ANKRD11: variants seen among roughly 807,000 people sequenced by gnomAD.
ANKRD11 encodes ankyrin repeat domain 11.
A neutral mutation model predicts 195.7 loss-of-function variants in ANKRD11; 17 were observed. That is an observed-to-expected ratio of 0.09 (90% CI 0.06 to 0.13). The LOEUF (loss-of-function observed/expected upper bound fraction) is 0.13. Among genes scored for constraint, ANKRD11 ranks in the 10% least tolerant of loss-of-function variants. The probability of loss-of-function intolerance (pLI) is 1.00; values close to 1 mark genes in which losing one functional copy is unlikely to be tolerated. For synonymous variants in ANKRD11, 1,953 were observed against 1,528.1 expected (o/e 1.28, Z -6.49); for missense variants, 3,735 against 3,566.1 (o/e 1.05, Z -1.21).
rs1222668212 is a variant in ANKRD11 at position 89,279,552 on chromosome 16, C to G, written c.6990G>C (p.Glu2330Asp). 15 of 1,425,550 alleles carry G rather than the reference C, an allele frequency of 1.1e-5. No individual in the cohort carries two copies. The highest frequency in any genetic ancestry group is 1.4e-5 in the Non-Finnish European group (15 of 1,059,462). The allele number at this position is 1,425,550 out of a possible 1,614,324, so 88.3% of individuals were successfully genotyped here. A position where few individuals can be genotyped will look rare whatever the true frequency, so the allele number is the denominator to read the frequency against. Residue 2330 changes from glutamate to aspartate, a missense_variant, in exon 9 of 13, where the codon GAG (glutamate) becomes GAC (aspartate). By Grantham distance (45) the Glu-to-Asp change is conservative. Coordinates refer to ENST00000301030, the MANE Select transcript of ANKRD11 (RefSeq NM_013275.6). This position sits in a 1 kb window ranked among gnomAD's most constrained non-coding sequence, Gnocchi z 5.6. ...TCCTGGTCATGCGCTGAGGGATCTC[C>G]TCCACTCGGGGGGCCTTCGGGGCTT... ...TAEAPKAPRV[E>D]EIPQRMTRNR...
chr16:89,271,258 A>C, intron 11 of ANKRD11: 1 of 352,760 alleles, frequency 2.8e-6, no homozygotes, highest in Non-Finnish European at 5.4e-6. Context: ...TTTTTTTAAG[A>C]GACAGAGTTT....
At chr16:89,318,904 C>A (rs2037129798) in intron 2 of ANKRD11, among the ~76,000 whole-genome samples, 1 of 152,194 alleles carries the variant, frequency 6.6e-6, no homozygotes. Context: ...GACATATTTT[C>A]TCTCTCTACC....
chr16:89,471,391 G>C (rs973416136), intron 1 of ANKRD11, among the ~76,000 whole-genome samples: 1 of 152,054 alleles, frequency 6.6e-6, no homozygotes, highest in Non-Finnish European at 1.5e-5. Context: ...AACTCATCAA[G>C]TTACCCTGCA....
At chr16:89,309,793 A>G (rs2036509490) in intron 3 of ANKRD11, among the ~76,000 whole-genome samples, 1 of 152,204 alleles carries the variant, frequency 6.6e-6, no homozygotes, top group Non-Finnish European at 1.5e-5. Context: ...CTCATTTCCT[A>G]AATGCAAATA....
intron 1 of ANKRD11, among the ~76,000 whole-genome samples, chr16:89,472,876 A>G (rs934111190): frequency 6.6e-6 from 1 of 152,192 alleles, no homozygotes; most frequent in Non-Finnish European, 1.5e-5. Context: ...GTGAAAAAAG[A>G]GCTCAACCAT....
intron 2 of ANKRD11, among the ~76,000 whole-genome samples, chr16:89,367,362 C>G (rs2039992958): frequency 6.6e-6 from 1 of 152,230 alleles, no homozygotes; most frequent in Admixed American, 6.5e-5. Flanking sequence ...CGGCAGACCT[C>G]CCACCACTGC....
At chr16:89,430,820 T>C (rs897884708) in intron 1 of ANKRD11, among the ~76,000 whole-genome samples, 2 of 152,166 alleles carry the variant, frequency 1.3e-5, no homozygotes, top group Non-Finnish European at 2.9e-5. Flanking sequence ...AAAAGGGAGT[T>C]TGCTCCTCAC....
At chr16:89,338,790 A>T (rs2038511219) in intron 2 of ANKRD11, among the ~76,000 whole-genome samples, 1 of 151,924 alleles carries the variant, frequency 6.6e-6, no homozygotes, top group East Asian at 1.9e-4. Flanking sequence ...AGAAAAAATA[A>T]TCTCTGCTCT....
intron 2 of ANKRD11, among the ~76,000 whole-genome samples, chr16:89,358,141 G>A (rs1693635557): frequency 1.3e-5 from 2 of 152,242 alleles, no homozygotes; most frequent in South Asian, 4.1e-4. Flanking sequence ...GGTGGCTGGA[G>A]ATGCTGCACC....
At chr16:89,304,361 G>A (rs537589017) in intron 4 of ANKRD11, among the ~76,000 whole-genome samples, 5 of 147,562 alleles carry the variant, frequency 3.4e-5, no homozygotes, top group Non-Finnish European at 7.5e-5. Context: ...CGCATACACA[G>A]GCATGCACAT....
chr16:89,417,255 G>A (rs117778271), intron 2 of ANKRD11, among the ~76,000 whole-genome samples: 3,351 of 152,254 alleles, frequency 0.022, 43 homozygotes, highest in Non-Finnish European at 0.032. Context: ...TGCAGGAAAG[G>A]TTCTTTCACG....
At chr16:89,394,733 T>G (rs904514194) in intron 2 of ANKRD11, among the ~76,000 whole-genome samples, 1 of 152,196 alleles carries the variant, frequency 6.6e-6, no homozygotes, top group African/African-American at 2.4e-5. Context: ...GGAGTCGTGT[T>G]TTATGACAAA....
chr16:89,487,358 A>G (rs529982679), intron 1 of ANKRD11, among the ~76,000 whole-genome samples: 1 of 152,270 alleles, frequency 6.6e-6, no homozygotes, highest in African/African-American at 2.4e-5. Context: ...TTTCTGAGCC[A>G]GCATTTACTG....
At chr16:89,482,588 C>T (rs941222265) in intron 1 of ANKRD11, among the ~76,000 whole-genome samples, 5 of 152,164 alleles carry the variant, frequency 3.3e-5, no homozygotes, top group African/African-American at 7.2e-5. Flanking sequence ...GAGATGACCT[C>T]GCAGTGCTCG....
At chr16:89,458,514 G>C (rs1323785497) in intron 1 of ANKRD11, among the ~76,000 whole-genome samples, 1 of 152,118 alleles carries the variant, frequency 6.6e-6, no homozygotes, top group Non-Finnish European at 1.5e-5. Flanking sequence ...GTGAGCCACC[G>C]TGCCCGGCCA....
chr16:89,356,590 TA>T (rs1225949582), intron 2 of ANKRD11, among the ~76,000 whole-genome samples: 1 of 135,938 alleles, frequency 7.4e-6, no homozygotes, highest in East Asian at 2.1e-4. Context: ...GCTAACACAG[TA>T]AAACCCCATC....
At chr16:89,273,521 ACCCCGTCT>A (rs1046870949) in intron 11 of ANKRD11, among the ~76,000 whole-genome samples, 5 of 152,088 alleles carry the variant, frequency 3.3e-5, no homozygotes, top group African/African-American at 4.8e-5. Context: ...ACATGGTGAC[ACCCCGTCT>A]CCACTAAAAA....
intron 4 of ANKRD11, among the ~76,000 whole-genome samples, chr16:89,303,566 C>T (rs2035977891): frequency 6.6e-6 from 1 of 152,224 alleles, no homozygotes; most frequent in African/African-American, 2.4e-5. Flanking sequence ...CTGCAGCCTT[C>T]CTGTCCCCAG....
At chr16:89,458,104 G>GA (rs201939339) in intron 1 of ANKRD11, among the ~76,000 whole-genome samples, 38 of 143,466 alleles carry the variant, frequency 2.6e-4, no homozygotes, top group Middle Eastern at 3.6e-3. Flanking sequence ...GACACAAAAA[G>GA]AAAAAAAAAA....
Sources: gnomAD v4.1 joint callset for allele counts (sites outside exome capture counted in the v4.1 genomes callset) on GRCh38, gnomAD v4.1.1 for gene constraint, Gnocchi (gnomAD v3.1) non-coding constraint, MANE v1.5 for transcripts, NCBI Gene and HGNC (gene_info 2026-07-23, HGNC 2026-07-21) for gene names.